The following BAZ1A variants were observed in gnomAD, a reference collection of about 807,000 sequenced individuals.
BAZ1A encodes the protein bromodomain adjacent to zinc finger domain protein 1A.
In BAZ1A, 50 loss-of-function variants were observed where a neutral mutation model predicts 185.2. That is an observed-to-expected ratio of 0.27 (90% CI 0.22 to 0.34). The LOEUF is 0.34. Among genes scored for constraint, BAZ1A ranks in the 10% least tolerant of loss-of-function variants. The probability of loss-of-function intolerance (pLI) is 1.00; values close to 1 mark genes in which losing one functional copy is unlikely to be tolerated. For missense variants in BAZ1A, 1,356 were observed against 1,839.9 expected (o/e 0.74, Z 4.81); for synonymous variants, 571 against 615.6 (o/e 0.93, Z 1.07).
At chr14:34,857,252 C>T (rs986015572) in intron 3 of BAZ1A, among the ~76,000 whole-genome samples, 13 of 152,022 alleles carry the variant, frequency 8.6e-5, no homozygotes, top group Admixed American at 3.3e-4. Flanking sequence ...ATGATCTGCC[C>T]GCCTTGGCCT....
Position 34,761,862 on chromosome 14 carries a change from T to G in BAZ1A, c.4138A>C (p.Ile1380Leu). 6.2e-7 allele frequency: 1 copy of G among 1,614,242 alleles called. No homozygotes were observed. Among genetic ancestry groups the G allele is most frequent in the Non-Finnish European group, 8.5e-7 (1 of 1,180,034 alleles). Residue 1380 changes from isoleucine (I) to leucine (L), a missense_variant, in exon 24 of 27, where the codon ATT becomes CTT. Coordinates refer to ENST00000360310, the MANE Select transcript of BAZ1A (RefSeq NM_013448.3). ...NSPNFPNFRV[I>L]ATKSSEQSRS... ...GACTGTTCACTTGACTTTGTGGCAA[T>G]GACTCTGAAGTTAGGGAAGTTGGGA...
intron 23 of BAZ1A, among the ~76,000 whole-genome samples, 195 bp from the exon 24 acceptor site, chr14:34,762,418 ATT>A (rs1886563687): frequency 6.6e-6 from 1 of 151,976 alleles, no homozygotes; most frequent in African/African-American, 2.4e-5. Flanking sequence ...GCTTTCATGT[ATT>A]TCTTTGAAAT....
At chr14:34,789,662 T>C (rs1387010656) in intron 12 of BAZ1A, among the ~76,000 whole-genome samples, 3 of 152,178 alleles carry the variant, frequency 2.0e-5, no homozygotes, top group Non-Finnish European at 4.4e-5. Flanking sequence ...GTTCATGATA[T>C]AAGACTAAAG....
intron 4 of BAZ1A, among the ~76,000 whole-genome samples, chr14:34,823,063 A>G (rs1031783813): frequency 6.6e-6 from 1 of 152,178 alleles, no homozygotes; most frequent in African/African-American, 2.4e-5. Context: ...ATGAAAAGTT[A>G]CTACATGGGG....
chr14:34,762,306 G>T, intron 23 of BAZ1A, 83 bp from the exon 24 acceptor site: 1 of 1,316,538 alleles, frequency 7.6e-7, no homozygotes, highest in South Asian at 1.4e-5. Flanking sequence ...GTTGTATTTA[G>T]CCAATGAGTT....
intron 3 of BAZ1A, among the ~76,000 whole-genome samples, chr14:34,832,228 A>ATATATATATATATG (rs1437244262): frequency 1.3e-4 from 19 of 143,370 alleles, no homozygotes; most frequent in Non-Finnish European, 2.1e-4. Flanking sequence ...ATATATATAT[A>ATATATATATATATG]TATGTATGTA....
Position 34,862,319 on chromosome 14 carries a change from G to C in BAZ1A, c.117C>G (p.Asp39Glu). The C allele has an allele frequency of 6.3e-7, 1 of 1,585,538 alleles. No individual in the cohort carries two copies. The highest frequency in any genetic ancestry group is 8.6e-7 in the Non-Finnish European group (1 of 1,167,920). ...TGCACAGAATGGTTCGTTCAAAAAA[G>C]TCACTGATTAAAAAACAAAAACAAA... ...VTNEIFRHYD[D>E]FFERTILCNS... The change falls in exon 3 of 27, where the codon GAC becomes GAG. Residue 39 changes from aspartate (D) to glutamate (E), a missense_variant. By Grantham distance (45) the Asp-to-Glu change is conservative (BLOSUM62 2). This residue lies in a region of BAZ1A where 332 missense variants were observed against 395.3 expected (regional missense o/e 0.84). Coordinates refer to ENST00000360310, the MANE Select transcript of BAZ1A (RefSeq NM_013448.3).
At chr14:34,830,697 A>T (rs1242249594) in intron 3 of BAZ1A, among the ~76,000 whole-genome samples, 2 of 151,808 alleles carry the variant, frequency 1.3e-5, no homozygotes, top group Non-Finnish European at 2.9e-5. Flanking sequence ...GAGTTGCAAG[A>T]TACAGTAGGG....
chr14:34,808,717 GT>G (rs2041887197), intron 5 of BAZ1A, among the ~76,000 whole-genome samples: 2 of 152,038 alleles, frequency 1.3e-5, no homozygotes, highest in Non-Finnish European at 2.9e-5. Flanking sequence ...AAAACATACT[GT>G]TTTTTATTCT....
intron 9 of BAZ1A, among the ~76,000 whole-genome samples, chr14:34,798,991 C>T (rs932355958): frequency 6.6e-6 from 1 of 152,026 alleles, no homozygotes; most frequent in African/African-American, 2.4e-5. Context: ...ACTCAAATGT[C>T]CATCAATGAT....
At chr14:34,840,250 G>A (rs2042392965) in intron 3 of BAZ1A, among the ~76,000 whole-genome samples, 1 of 152,052 alleles carries the variant, frequency 6.6e-6, no homozygotes, top group South Asian at 2.1e-4. Context: ...TATGTAAAGG[G>A]AGTCCTAAAG....
In BAZ1A at chr14:34,801,202, C is replaced by A; in HGVS notation, c.862-9G>T. Reference sequence around the variant, plus strand: ...TTAGCAACATTGTCCTCCTAAAAAACAAACCAAAATAGTATGCCTGGTTCT... The same window carrying A: ...TTAGCAACATTGTCCTCCTAAAAAAAAAACCAAAATAGTATGCCTGGTTCT... On this transcript the variant is annotated splice_polypyrimidine_tract_variant and intron_variant, in intron 7 of 26. Transcript: ENST00000360310. The A allele has an allele frequency of 6.3e-7, 1 of 1,584,892 alleles. No individual in the cohort carries two copies. Among genetic ancestry groups the A allele is most frequent in the Non-Finnish European group, 8.6e-7 (1 of 1,161,528 alleles).
In BAZ1A at chr14:34,795,730, A is replaced by G; in HGVS notation, c.1164T>C (p.Tyr388=). The change falls in exon 10 of 27, where the codon TAT becomes TAC. Residue 388 remains tyrosine, a synonymous_variant. Coordinates refer to ENST00000360310, the MANE Select transcript of BAZ1A (RefSeq NM_013448.3). The stretch of plus-strand genomic sequence containing the variant: ...TACTCCACTGTTTTAAGTATTCCAC[A>G]TACTTTCGCTTTTCTTCACGTAACT... ...REKLREEKRK[Y]VEYLKQWSKP... 2 of 1,613,290 alleles carry G rather than the reference A, an allele frequency of 1.2e-6. No individual in the cohort carries two copies.
chr14:34,787,028 A>G (rs905673590), intron 12 of BAZ1A, among the ~76,000 whole-genome samples: 3 of 152,178 alleles, frequency 2.0e-5, no homozygotes, highest in African/African-American at 7.2e-5. Flanking sequence ...TAACTATTGA[A>G]ATATCTTCAT....
intron 9 of BAZ1A, among the ~76,000 whole-genome samples, chr14:34,798,572 C>T (rs183975713): frequency 8.3e-4 from 126 of 152,244 alleles, no homozygotes; most frequent in Admixed American, 3.7e-3. Context: ...AAAAAATGAG[C>T]GAAGGACATG....
At chr14:34,841,995 A>C (rs1201881637) in intron 3 of BAZ1A, among the ~76,000 whole-genome samples, 1 of 152,122 alleles carries the variant, frequency 6.6e-6, no homozygotes, top group Non-Finnish European at 1.5e-5. Flanking sequence ...TGGCATGCAA[A>C]GTTTTGTTTA....
chr14:34,756,112 T>TGTC (rs1369494478), intron 25 of BAZ1A, among the ~76,000 whole-genome samples: 21 of 115,598 alleles, frequency 1.8e-4, no homozygotes, highest in East Asian at 2.3e-4. Flanking sequence ...AACTGGTTTT[T>TGTC]TTCTTTTTTT....
At chr14:34,757,401 G>C (rs1453911365) in intron 25 of BAZ1A, among the ~76,000 whole-genome samples, 4 of 138,924 alleles carry the variant, frequency 2.9e-5, no homozygotes, top group Admixed American at 7.5e-5. Context: ...GCAGTGGCCC[G>C]TGCCTGTAAT....
intron 4 of BAZ1A, among the ~76,000 whole-genome samples, chr14:34,824,415 A>G (rs2042135953): frequency 6.8e-6 from 1 of 147,902 alleles, no homozygotes; most frequent in Admixed American, 6.7e-5. Context: ...ACTCAAAAAA[A>G]AAAAAAAAAA....
Sources: allele counts gnomAD v4.1 joint callset (sites outside exome capture counted in the v4.1 genomes callset), GRCh38; gene constraint gnomAD v4.1.1; regional missense constraint gnomAD v4.1.1; transcripts MANE v1.5; gene names NCBI Gene and HGNC (gene_info 2026-07-23, HGNC 2026-07-21).